Variants in MED12L observed in about 807,000 individuals in gnomAD.
MED12L encodes mediator of RNA polymerase II transcription subunit 12-like protein.
In MED12L, 60 loss-of-function variants were observed where a neutral mutation model predicts 281.3. That is an observed-to-expected ratio of 0.21 (90% CI 0.17 to 0.26). The LOEUF is 0.26. MED12L is among the 10% of genes least tolerant of loss of function. The pLI, the probability that MED12L is intolerant of heterozygous loss-of-function variation, is 1.00. For missense variants in MED12L, 2,146 were observed against 2,680.9 expected, an observed-to-expected ratio of 0.80 and a Z score of 4.41; for synonymous variants, 974 against 987.2, an observed-to-expected ratio of 0.99 and a Z score of 0.25.
intron 16 of MED12L, among the ~76,000 whole-genome samples, chr3:151,296,627 G>A (rs558155153): frequency 6.6e-6 from 1 of 151,872 alleles, no homozygotes; most frequent in Admixed American, 6.6e-5. Context: ...GGCTGTGCCA[G>A]CCTTCTGCTT....
intron 16 of MED12L, among the ~76,000 whole-genome samples, chr3:151,239,458 T>C (rs546479112): frequency 6.6e-6 from 1 of 152,354 alleles, no homozygotes; most frequent in East Asian, 1.9e-4. Flanking sequence ...GAAGTGGATA[T>C]GAGAATCCAA....
chr3:151,219,986 G>C (rs1251229908), intron 16 of MED12L, among the ~76,000 whole-genome samples: 6 of 146,320 alleles, frequency 4.1e-5, no homozygotes, highest in Non-Finnish European at 7.4e-5. Context: ...AAGTCTAATT[G>C]CAGGTGGATT....
chr3:151,324,573 T>C (rs1049613601), intron 16 of MED12L, among the ~76,000 whole-genome samples: 3 of 152,256 alleles, frequency 2.0e-5, no homozygotes, highest in Admixed American at 2.0e-4. Context: ...TGGCAAGCTC[T>C]GTGACCTCAT....
intron 3 of MED12L, among the ~76,000 whole-genome samples, chr3:151,121,541 AAG>A (rs386667066): frequency 7.1e-4 from 108 of 152,240 alleles, no homozygotes; most frequent in African/African-American, 2.5e-3. Context: ...TCAACAGGGT[AAG>A]TATTTTATTT....
chr3:151,167,483 C>CA (rs1720868105), intron 11 of MED12L, among the ~76,000 whole-genome samples: 1 of 152,216 alleles, frequency 6.6e-6, no homozygotes. Context: ...CAACCACCAT[C>CA]AAAAACCTTT....
chr3:151,109,374 TAC>T lies in MED12L; in HGVS notation c.100-6962_100-6961del, dbSNP rs1294604217. 2.6e-5 allele frequency among the ~76,000 whole-genome samples: 4 copies of T among 152,280 alleles called. No individual in the cohort carries two copies. In the East Asian group the frequency reaches 7.7e-4, roughly 29 times the overall value. On this transcript the variant is annotated intron_variant, in intron 2 of 44. Transcript: ENST00000687756. ...TCTGATTTTTGTTATCAGTGTAGAA[TAC>T]AAAAATACAGAGTGAACACAGGCCT... is the stretch of plus-strand genomic sequence containing the variant.
At chr3:151,281,117 G>A (rs181465835) in intron 16 of MED12L, among the ~76,000 whole-genome samples, 3 of 151,446 alleles carry the variant, frequency 2.0e-5, no homozygotes, top group East Asian at 1.9e-4. Flanking sequence ...AACTAGGCAC[G>A]GTGGCTCACG....
intron 2 of MED12L, among the ~76,000 whole-genome samples, chr3:151,100,020 G>A (rs1324968432): frequency 6.6e-6 from 1 of 152,218 alleles, no homozygotes; most frequent in African/African-American, 2.4e-5. Flanking sequence ...AGTTAACATC[G>A]GTGAGATTCC....
chr3:151,141,179 T>TTTTTTG lies in MED12L; in HGVS notation c.556+13200_556+13201insGTTTTT, dbSNP rs1560087744. 3.5e-5 allele frequency among the ~76,000 whole-genome samples: 4 copies of TTTTTTG among 114,022 alleles called. No individual in the cohort carries two copies. In the East Asian group the frequency reaches 8.0e-4, roughly 23 times the overall value. The allele number at this position is 114,022 out of a possible 152,430, so 74.8% of individuals were successfully genotyped here. On this transcript the variant is annotated intron_variant, in intron 5 of 44. Transcript: ENST00000687756. ...ACCGTGCCTGGCGTTTTTTTTTTTGTTTTTTTTGTTTTTTTTTTTTTGTTA... is the reference window on the plus strand; with the variant it reads ...ACCGTGCCTGGCGTTTTTTTTTTTGTTTTTTGTTTTTTTGTTTTTTTTTTTTTGTTA...
In MED12L at chr3:151,213,076, T is replaced by C. The variant is rs1727447925; in HGVS notation, c.2250+19410T>C. On this transcript the variant is annotated intron_variant, in intron 16 of 44. Coordinates refer to ENST00000687756, the MANE Select transcript of MED12L (RefSeq NM_001393769.1). ...ATAATTGTATGTATTAATTTTTTAT[T>C]AATAGAGAATAGAAAGGTCAGTATT... The C allele has an allele frequency of 1.3e-5, 4 of 317,354 alleles. No homozygotes were observed. The East Asian group carries it at 2.1e-4, about 17-fold the overall frequency. 19.7% of individuals were successfully genotyped at this position (317,354 alleles called of 1,614,324 possible).
At chr3:151,334,033 T>A (rs180727892) in intron 16 of MED12L, among the ~76,000 whole-genome samples, 1 of 152,082 alleles carries the variant, frequency 6.6e-6, no homozygotes, top group Non-Finnish European at 1.5e-5. Context: ...GCTGACATCA[T>A]GTCACTGCAC....
chr3:151,124,226 G>A (rs1714168297), intron 4 of MED12L, among the ~76,000 whole-genome samples: 1 of 152,148 alleles, frequency 6.6e-6, no homozygotes, highest in African/African-American at 2.4e-5. Flanking sequence ...CTACTCTTGA[G>A]GAGTTGATGC....
Position 151,127,923 on chromosome 3 carries a change from C to G in MED12L, c.495C>G (p.Ala165=). The G allele has an allele frequency of 6.2e-7, 1 of 1,614,012 alleles. No homozygotes were observed. Among genetic ancestry groups the G allele is most frequent in the Non-Finnish European group, 8.5e-7 (1 of 1,179,942 alleles). Residue 165 remains alanine, a synonymous_variant, in exon 5 of 45, where the codon GCC becomes GCG. Coordinates refer to ENST00000687756, the MANE Select transcript of MED12L (RefSeq NM_001393769.1). ...CGTGGCTGATCAAGATGACTTGTGC[C>G]TATTATTCTGCTATATCTGAAGCTA... ...RATWLIKMTC[A]YYSAISEAKI... is the part of the protein sequence containing the mutation.
chr3:151,380,524 G>A (rs1317401670), intron 32 of MED12L, among the ~76,000 whole-genome samples: 2 of 151,538 alleles, frequency 1.3e-5, no homozygotes, highest in South Asian at 2.1e-4. Flanking sequence ...TTGAACCTGG[G>A]AGGCAGAGGC....
chr3:151,258,682 T>C (rs966407616), intron 16 of MED12L, among the ~76,000 whole-genome samples: 55 of 152,124 alleles, frequency 3.6e-4, no homozygotes, highest in African/African-American at 1.1e-3. Context: ...AAACCCCGTC[T>C]CTACTAAAAA....
rs16863331 is a variant in MED12L at position 151,349,888 on chromosome 3, A to G, written c.2251-171A>G. Among the ~76,000 whole-genome samples, 3,212 of 151,264 alleles carry G rather than the reference A, an allele frequency of 0.021. 111 individuals are homozygous for G. Among genetic ancestry groups the G allele is most frequent in the African/African-American group, 0.076 (3,104 of 41,026 alleles). On this transcript the variant is annotated intron_variant, in intron 16 of 44. Transcript: ENST00000687756. ...TTTTTTATAATGTTAGCAAGTTCCA[A>G]ACTGGAAAAACAAGGGTGTTGCCAG...
Position 151,430,290 on chromosome 3 carries a change from C to T in MED12L, c.6409-9C>T. 1.9e-6 allele frequency: 3 copies of T among 1,614,078 alleles called. No individual in the cohort carries two copies. Among genetic ancestry groups the T allele is most frequent in the Admixed American group, 1.7e-5 (1 of 60,024 alleles). On this transcript the variant is annotated splice_polypyrimidine_tract_variant and intron_variant, in intron 43 of 44. Transcript: ENST00000687756. ...ATGATTTCTGTCCTTTCTCCTGTCG[C>T]CATTACAGTTTCCCAGGCAAGGCTT...
intron 16 of MED12L, among the ~76,000 whole-genome samples, chr3:151,275,535 G>A (rs534865506): frequency 1.3e-5 from 2 of 152,272 alleles, no homozygotes; most frequent in African/African-American, 4.8e-5. Context: ...CATATGACCA[G>A]TATTTCACTT....
At chr3:151,400,254 T>C (rs12490051) in intron 39 of MED12L, among the ~76,000 whole-genome samples, 57,012 of 152,136 alleles carry the variant, frequency 0.37, 11,153 homozygotes, top group Middle Eastern at 0.48. Context: ...CCTGATTTTT[T>C]CTTTCAGTAT....
Sources: gnomAD v4.1 joint callset for allele counts (sites outside exome capture counted in the v4.1 genomes callset) on GRCh38, gnomAD v4.1.1 for gene constraint, MANE v1.5 for transcripts, NCBI Gene and HGNC (gene_info 2026-07-23, HGNC 2026-07-21) for gene names.